The following CDH13 variants were observed in gnomAD, a reference collection of about 807,000 sequenced individuals.
CDH13 encodes cadherin 13, also known as cadherin-13.
Under a neutral mutation model 63.8 loss-of-function variants are expected in CDH13, and 24 were observed. The ratio of observed to expected loss-of-function variants is 0.38; its 90% CI spans 0.27 to 0.53. The LOEUF (loss-of-function observed/expected upper bound fraction) is 0.53. CDH13 is among the 20% of genes least tolerant of loss of function. The pLI is 0.85. For synonymous variants in CDH13, 503 were observed against 355.3 expected, an observed-to-expected ratio of 1.42 and a Z score of -4.67; for missense variants, 1,049 against 903.1, an observed-to-expected ratio of 1.16 and a Z score of -2.07.
intron 2 of CDH13, among the ~76,000 whole-genome samples, chr16:82,916,364 A>G (rs2041989353): frequency 6.6e-6 from 1 of 152,188 alleles, no homozygotes; most frequent in Non-Finnish European, 1.5e-5. Context: ...TGACGAGGTT[A>G]GGAGTTGGAG....
chr16:83,083,585 C>G (rs1284465879), intron 3 of CDH13, among the ~76,000 whole-genome samples: 1 of 152,162 alleles, frequency 6.6e-6, no homozygotes, highest in Non-Finnish European at 1.5e-5. Flanking sequence ...CTGTTGTTTT[C>G]TCTAGTACTC....
chr16:82,628,551 G>T (rs1471180251), intron 1 of CDH13, among the ~76,000 whole-genome samples: 2 of 152,158 alleles, frequency 1.3e-5, no homozygotes, highest in Non-Finnish European at 2.9e-5. Flanking sequence ...CAAGTGCCCG[G>T]CTGCTGAGCC....
At chr16:83,723,240 G>T (rs1909928072) in intron 10 of CDH13, among the ~76,000 whole-genome samples, 1 of 152,176 alleles carries the variant, frequency 6.6e-6, no homozygotes, top group African/African-American at 2.4e-5. Context: ...ACCATGCTCT[G>T]TATACGACTT....
intron 3 of CDH13, among the ~76,000 whole-genome samples, chr16:83,068,600 C>G (rs914129888): frequency 2.0e-5 from 3 of 152,210 alleles, no homozygotes; most frequent in Non-Finnish European, 2.9e-5. Context: ...ATTCTTCTGA[C>G]TTCCCAATAA....
intron 10 of CDH13, among the ~76,000 whole-genome samples, chr16:83,706,391 A>G (rs1181684216): frequency 6.6e-6 from 1 of 152,042 alleles, no homozygotes; most frequent in African/African-American, 2.4e-5. Flanking sequence ...CAGGAACTAG[A>G]CTCCACCTGT....
At chr16:83,550,074 A>G (rs957192623) in intron 7 of CDH13, among the ~76,000 whole-genome samples, 1 of 152,230 alleles carries the variant, frequency 6.6e-6, no homozygotes, top group African/African-American at 2.4e-5. Context: ...CTTCTAGTGC[A>G]GGGGTGATGA....
At chr16:83,511,821 G>A (rs777130134) in intron 7 of CDH13, among the ~76,000 whole-genome samples, 3 of 152,112 alleles carry the variant, frequency 2.0e-5, no homozygotes, top group Non-Finnish European at 4.4e-5. Flanking sequence ...AAATAAGCCC[G>A]ACACCCATAG....
At chr16:83,357,965 A>T (rs970755224) in intron 6 of CDH13, among the ~76,000 whole-genome samples, 1 of 152,090 alleles carries the variant, frequency 6.6e-6, no homozygotes, top group African/African-American at 2.4e-5. Flanking sequence ...GTGTTATCTC[A>T]TTGACTTGCC....
intron 2 of CDH13, among the ~76,000 whole-genome samples, chr16:82,885,140 A>G (rs1297311951): frequency 6.6e-6 from 1 of 152,232 alleles, no homozygotes; most frequent in Non-Finnish European, 1.5e-5. Context: ...CAAGAGATGG[A>G]TACAAAGATG....
rs551626375 is a variant in CDH13, at chr16:83,084,463, C to T, written c.367-40922C>T. The stretch of plus-strand genomic sequence containing the variant: ...CATCTTTGTGGAGGAGAACCCATCA[C>T]CTGTCTCTCGAAAACAGTTGTCCTT... On this transcript the variant is annotated intron_variant, in intron 3 of 13. Coordinates refer to ENST00000567109, the MANE Select transcript of CDH13 (RefSeq NM_001257.5). Among the ~76,000 whole-genome samples, 15 of 152,302 alleles carry T rather than the reference C, an allele frequency of 9.8e-5. No individual in the cohort carries two copies. The South Asian group carries it at 2.5e-3, about 25-fold the overall frequency.
intron 7 of CDH13, among the ~76,000 whole-genome samples, chr16:83,513,607 G>A (rs1487709114): frequency 6.6e-6 from 1 of 152,200 alleles, no homozygotes; most frequent in Non-Finnish European, 1.5e-5. Flanking sequence ...GCAAGGAGAA[G>A]TGCTGAGCAA....
chr16:83,487,819 G>T (rs901685936), intron 7 of CDH13, among the ~76,000 whole-genome samples: 1 of 152,144 alleles, frequency 6.6e-6, no homozygotes, highest in Non-Finnish European at 1.5e-5. Context: ...TCCATGGTTC[G>T]GAGTGTTGTT....
Position 82,669,766 on chromosome 16 carries a change from T to A in CDH13, c.45+42629T>A, listed in dbSNP as rs144900103. 2.0e-5 allele frequency among the ~76,000 whole-genome samples: 3 copies of A among 152,304 alleles called. 1 individual carries two copies. In the South Asian group the frequency reaches 6.2e-4, roughly 32 times the overall value. On this transcript the variant is annotated intron_variant, in intron 1 of 13. Transcript: ENST00000567109. ...TGGACGGAACCATTTGCTCCCCAGTTATCACCCTCTCCAGTGAGATATACC... is the reference window on the plus strand; with the variant it reads ...TGGACGGAACCATTTGCTCCCCAGTAATCACCCTCTCCAGTGAGATATACC...
At chr16:83,004,663 A>C (rs1913293035) in intron 2 of CDH13, among the ~76,000 whole-genome samples, 1 of 151,968 alleles carries the variant, frequency 6.6e-6, no homozygotes, top group Admixed American at 6.6e-5. Context: ...ACACCCAGCA[A>C]ATTTTTTGTC....
intron 2 of CDH13, among the ~76,000 whole-genome samples, chr16:82,861,280 A>G (rs75196932): frequency 1.3e-5 from 2 of 152,152 alleles, no homozygotes; most frequent in South Asian, 4.1e-4. Flanking sequence ...TTTTTCCTTT[A>G]TCTTTGCAAT....
chr16:82,984,270 C>T lies in CDH13; in HGVS notation c.158-47740C>T, dbSNP rs560300984. Among the ~76,000 whole-genome samples, 13 of 152,280 alleles carry T rather than the reference C, an allele frequency of 8.5e-5. No homozygotes were observed. The East Asian group carries it at 1.4e-3, about 16-fold the overall frequency. ...ACACTGCTTTGTTGAACAGAATTCC[C>T]GGAACCACCCCAGACTTGAAGTATC... On this transcript the variant is annotated intron_variant, in intron 2 of 13. Coordinates refer to ENST00000567109, the MANE Select transcript of CDH13 (RefSeq NM_001257.5).
intron 2 of CDH13, among the ~76,000 whole-genome samples, chr16:82,941,932 C>T (rs1904292617): frequency 6.6e-6 from 1 of 152,200 alleles, no homozygotes; most frequent in African/African-American, 2.4e-5. Context: ...AGGAGTTCTT[C>T]ATATATCCTG....
chr16:83,757,018 T>C (rs1913565647), intron 11 of CDH13, among the ~76,000 whole-genome samples: 1 of 152,240 alleles, frequency 6.6e-6, no homozygotes, highest in Admixed American at 6.5e-5. Flanking sequence ...ATTGTTTGCA[T>C]GCAGAGCATA....
chr16:83,490,344 G>C (rs1157929273), intron 7 of CDH13, among the ~76,000 whole-genome samples: 1 of 152,140 alleles, frequency 6.6e-6, no homozygotes, highest in African/African-American at 2.4e-5. Flanking sequence ...CATCTTCCCT[G>C]CCTTTTATAG....
Sources: allele counts gnomAD v4.1 joint callset (sites outside exome capture counted in the v4.1 genomes callset), GRCh38; gene constraint gnomAD v4.1.1; transcripts MANE v1.5; gene names NCBI Gene and HGNC (gene_info 2026-07-23, HGNC 2026-07-21).